CCDC174: variants seen among roughly 807,000 people sequenced by gnomAD.
CCDC174 encodes coiled-coil domain containing 174.
In CCDC174, 37 loss-of-function variants were observed where a neutral mutation model predicts 57.1. The ratio of observed to expected loss-of-function variants is 0.65; its 90% CI spans 0.50 to 0.85. The LOEUF (loss-of-function observed/expected upper bound fraction) is 0.85, where lower values mean the gene tolerates loss of function less well. Ranked by LOEUF, CCDC174 falls within the 40% of genes least tolerant of loss-of-function variation. The pLI is 0.00. For missense variants in CCDC174, 540 were observed against 574.3 expected (o/e 0.94, Z 0.61); for synonymous variants, 182 against 190.2 (o/e 0.96, Z 0.35).
intron 8 of CCDC174, among the ~76,000 whole-genome samples, chr3:14,667,796 C>T (rs573785020): frequency 1.1e-3 from 160 of 152,102 alleles, no homozygotes; most frequent in Non-Finnish European, 1.9e-3. Flanking sequence ...AGGTGTAGGA[C>T]GGAATGGGTT....
chr3:14,654,523 C>A lies in CCDC174; in HGVS notation c.140C>A (p.Thr47Asn). 1 of 1,464,662 alleles carries A rather than the reference C, an allele frequency of 6.8e-7. No homozygotes were observed. The highest frequency in any genetic ancestry group is 9.5e-7 in the Non-Finnish European group (1 of 1,053,658). 90.7% of individuals were successfully genotyped at this position (1,464,662 alleles called of 1,614,324 possible). The change falls in exon 2 of 11, where the codon ACT becomes AAT. Residue 47 changes from threonine (T) to asparagine (N), a missense_variant. Thr to Asn is a moderately conservative substitution (Grantham distance 65). Coordinates refer to ENST00000383794, the MANE Select transcript of CCDC174 (RefSeq NM_016474.5). The part of the protein sequence containing the change: ...DSGVFGKPKT[T>N]NKKPSIWSKQ... The stretch of plus-strand genomic sequence containing the variant: ...GGAGTTTTTGGAAAACCAAAAACAA[C>A]TAACAAGGTAAAAAATAAGATCTAA...
At chr3:14,666,750 A>T (rs945712096) in intron 6 of CCDC174, 55 bp from the exon 7 acceptor site, 2 of 1,425,012 alleles carry the variant, frequency 1.4e-6, no homozygotes, top group Admixed American at 4.9e-5. Context: ...CTGTACTTAA[A>T]CACTGATATC....
Position 14,671,269 on chromosome 3 carries a change from A to T in CCDC174, c.*75A>T. The stretch of plus-strand genomic sequence containing the variant: ...TCCCAGAGGGAGAAATAACTTTAGG[A>T]ACTGAATTGTACCTTTGTCCTGTCC... On this transcript the variant is annotated 3_prime_UTR_variant, in exon 11 of 11. Coordinates refer to ENST00000383794, the MANE Select transcript of CCDC174 (RefSeq NM_016474.5). The T allele has an allele frequency of 7.1e-7, 1 of 1,411,786 alleles. No homozygotes were observed. The highest frequency in any genetic ancestry group is 9.7e-7 in the Non-Finnish European group (1 of 1,030,404). 87.5% of individuals were successfully genotyped at this position (1,411,786 alleles called of 1,614,324 possible). A position where few individuals can be genotyped will look rare whatever the true frequency, so the allele number is the denominator to read the frequency against.
intron 6 of CCDC174, among the ~76,000 whole-genome samples, 153 bp from the exon 7 acceptor site, chr3:14,666,652 T>G (rs192768544): frequency 9.2e-5 from 14 of 152,220 alleles, no homozygotes; most frequent in Admixed American, 8.5e-4. Context: ...GCTGTTTTAT[T>G]GATTTTCCAG....
At chr3:14,660,335 C>T (rs886561778) in intron 4 of CCDC174, among the ~76,000 whole-genome samples, 7 of 152,180 alleles carry the variant, frequency 4.6e-5, no homozygotes, top group Non-Finnish European at 7.3e-5. Flanking sequence ...GAAACTCCAT[C>T]TCTACTAAAA....
intron 10 of CCDC174, 78 bp from the exon 11 acceptor site, chr3:14,670,818 T>A (rs571817735): frequency 8.2e-7 from 1 of 1,223,532 alleles, no homozygotes; most frequent in African/African-American, 1.5e-5. Flanking sequence ...AAATATATGA[T>A]ACAATTAGAT....
At chr3:14,664,332 A>G (rs2031247732) in intron 5 of CCDC174, among the ~76,000 whole-genome samples, 1 of 152,236 alleles carries the variant, frequency 6.6e-6, no homozygotes, top group Non-Finnish European at 1.5e-5. Context: ...TTTAAAAAGT[A>G]AAATATCTGT....
intron 6 of CCDC174, among the ~76,000 whole-genome samples, chr3:14,665,878 A>C (rs941020794): frequency 4.0e-5 from 6 of 151,762 alleles, no homozygotes; most frequent in African/African-American, 1.2e-4. Flanking sequence ...AAAATACAAA[A>C]AAAAAAAAAA....
In CCDC174 at chr3:14,661,846, G is replaced by A. The variant is rs2031150196; in HGVS notation, c.485+139G>A. Reference sequence around the variant, plus strand: ...TCTTTTGAGACTTCCCTTTAAGTTAGGTTGGATTAGGTTATTATAGTTGTA... The same window carrying A: ...TCTTTTGAGACTTCCCTTTAAGTTAAGTTGGATTAGGTTATTATAGTTGTA... On this transcript the variant is annotated intron_variant, in intron 5 of 10. Transcript: ENST00000383794. 4.6e-6 allele frequency: 3 copies of A among 654,360 alleles called. 1 individual carries two copies. Among genetic ancestry groups the A allele is most frequent in the Non-Finnish European group, 7.8e-6 (3 of 385,480 alleles). 40.5% of individuals were successfully genotyped at this position (654,360 alleles called of 1,614,324 possible). A position where few individuals can be genotyped will look rare whatever the true frequency, so the allele number is the denominator to read the frequency against.
At chr3:14,653,015 T>C (rs2030830348) in intron 1 of CCDC174, among the ~76,000 whole-genome samples, 1 of 152,136 alleles carries the variant, frequency 6.6e-6, no homozygotes, top group African/African-American at 2.4e-5. Flanking sequence ...CAACCTTTGA[T>C]TTAATCTTGA....
intron 4 of CCDC174, among the ~76,000 whole-genome samples, chr3:14,659,474 G>A (rs2031059220): frequency 6.6e-6 from 1 of 152,138 alleles, no homozygotes. Context: ...ATCACCTGAT[G>A]GCAGGAGTTT....
In CCDC174 at chr3:14,655,414, C is replaced by T. The variant is rs986328407; in HGVS notation, c.148-115C>T. Reference sequence around the variant, plus strand: ...TGTAGGACACAGCTTATCTAGTTATCTCCATTGATTCATAAGAACTCATGA... The same window carrying T: ...TGTAGGACACAGCTTATCTAGTTATTTCCATTGATTCATAAGAACTCATGA... On this transcript the variant is annotated intron_variant, in intron 2 of 10. Transcript: ENST00000383794. 16 of 601,384 alleles carry T rather than the reference C, an allele frequency of 2.7e-5. No individual in the cohort carries two copies. In the Admixed American group the frequency reaches 4.5e-4, roughly 17 times the overall value. The allele number at this position is 601,384 out of a possible 1,614,324, so 37.3% of individuals were successfully genotyped here.
Position 14,672,413 on chromosome 3 carries a change from C to G in CCDC174, c.*1219C>G, listed in dbSNP as rs1324205365. On this transcript the variant is annotated 3_prime_UTR_variant, in exon 11 of 11. Transcript: ENST00000383794. Reference sequence around the variant, plus strand: ...TGACTTGTGCAGGGTCATATGGTACCTAAGGGGCAGATCTCAGACTTAAAC... The same window carrying G: ...TGACTTGTGCAGGGTCATATGGTACGTAAGGGGCAGATCTCAGACTTAAAC... 6.6e-6 allele frequency: 1 copy of G among 152,266 alleles called. No homozygotes were observed. The highest frequency in any genetic ancestry group is 2.4e-5 in the African/African-American group (1 of 41,442). 9.4% of individuals were successfully genotyped at this position (152,266 alleles called of 1,614,324 possible). A position where few individuals can be genotyped will look rare whatever the true frequency, so the allele number is the denominator to read the frequency against.
At chr3:14,661,458 T>C (rs762419934) in intron 4 of CCDC174, 72 bp from the exon 5 acceptor site, 3 of 1,344,536 alleles carry the variant, frequency 2.2e-6, no homozygotes, top group African/African-American at 1.5e-5. Context: ...AGGCAATGAA[T>C]GTGACTGCTT....
Position 14,651,795 on chromosome 3 carries a change from G to A in CCDC174, c.-42G>A, listed in dbSNP as rs528352739. 8 of 1,610,664 alleles carry A rather than the reference G, an allele frequency of 5.0e-6. No homozygotes were observed. The highest frequency in any genetic ancestry group is 2.7e-5 in the African/African-American group (2 of 74,976). On this transcript the variant is annotated 5_prime_UTR_variant, in exon 1 of 11. Transcript: ENST00000383794. ...GGTAGGCTTACGAGGCCTGTGTCGG[G>A]TAGAAAGGGTCCTTCCTGGACCGGG...
Position 14,655,022 on chromosome 3 carries a change from A to G in CCDC174, c.147+492A>G, listed in dbSNP as rs182643317. Among the ~76,000 whole-genome samples the G allele has an allele frequency of 1.3e-3, 192 of 152,378 alleles. 1 individual carries two copies. The highest frequency in any genetic ancestry group is 4.2e-3 in the African/African-American group (176 of 41,600). Reference sequence around the variant, plus strand: ...GATAGTAGGAAGTGATTCTGCACTCAGGAAGCTCTTTAGGCTGGGCGTGGT... The same window carrying G: ...GATAGTAGGAAGTGATTCTGCACTCGGGAAGCTCTTTAGGCTGGGCGTGGT... On this transcript the variant is annotated intron_variant, in intron 2 of 10. Coordinates refer to ENST00000383794, the MANE Select transcript of CCDC174 (RefSeq NM_016474.5).
At chr3:14,652,841 G>A (rs1343708230) in intron 1 of CCDC174, among the ~76,000 whole-genome samples, 1 of 149,758 alleles carries the variant, frequency 6.7e-6, no homozygotes, top group Non-Finnish European at 1.5e-5. Context: ...GGCGGAGGTT[G>A]CGGTGAGCCG....
rs11717411 is a variant in CCDC174 at position 14,671,614 on chromosome 3, C to G, written c.*420C>G. The G allele has an allele frequency of 0.38, 59,598 of 155,796 alleles. 11,788 individuals are homozygous for G. The highest frequency in any genetic ancestry group is 0.46 in the African/African-American group (19,288 of 41,582). 9.7% of individuals were successfully genotyped at this position (155,796 alleles called of 1,614,324 possible). A position where few individuals can be genotyped will look rare whatever the true frequency, so the allele number is the denominator to read the frequency against. On this transcript the variant is annotated 3_prime_UTR_variant, in exon 11 of 11. Transcript: ENST00000383794. The stretch of plus-strand genomic sequence containing the variant: ...AGATCAGCCGATGGACCATAGGTCA[C>G]GAGGAATTTCTCCCTGTCAAGCAGT...
At chr3:14,656,695 A>G (rs1421490032) in intron 3 of CCDC174, among the ~76,000 whole-genome samples, 3 of 152,234 alleles carry the variant, frequency 2.0e-5, no homozygotes, top group Non-Finnish European at 1.5e-5. Flanking sequence ...ACTCATTTCC[A>G]TGCAATGATT....
Sources: gnomAD v4.1 joint callset for allele counts (sites outside exome capture counted in the v4.1 genomes callset) on GRCh38, gnomAD v4.1.1 for gene constraint, MANE v1.5 for transcripts, NCBI Gene and HGNC (gene_info 2026-07-23, HGNC 2026-07-21) for gene names.